Variants in SNX29 observed in about 807,000 individuals in gnomAD.
SNX29 encodes sorting nexin 29, also known as sorting nexin-29.
In SNX29, 78 loss-of-function variants were observed where a neutral mutation model predicts 102.1. The ratio of observed to expected loss-of-function variants is 0.76; its 90% CI spans 0.64 to 0.92. SNX29 has a LOEUF of 0.92. Among genes scored for constraint, SNX29 ranks in the 40% least tolerant of loss-of-function variants. The pLI is 0.00. For synonymous variants in SNX29, 580 were observed against 414.5 expected, an observed-to-expected ratio of 1.40 and a Z score of -4.85; for missense variants, 1,280 against 1,061.7, an observed-to-expected ratio of 1.21 and a Z score of -2.86.
intron 19 of SNX29, among the ~76,000 whole-genome samples, chr16:12,496,367 G>A (rs992853943): frequency 2.0e-5 from 3 of 152,120 alleles, no homozygotes; most frequent in Non-Finnish European, 4.4e-5. Context: ...CCCAGCAAGC[G>A]AGGCTGGTCT....
At chr16:12,394,471 A>G (rs987862845) in intron 16 of SNX29, among the ~76,000 whole-genome samples, 2 of 152,074 alleles carry the variant, frequency 1.3e-5, no homozygotes, top group African/African-American at 2.4e-5. Flanking sequence ...ATGTGAAACC[A>G]CCCCAAAACT....
chr16:12,346,654 G>C (rs1160267569), intron 15 of SNX29, among the ~76,000 whole-genome samples: 1 of 152,204 alleles, frequency 6.6e-6, no homozygotes, highest in Non-Finnish European at 1.5e-5. Flanking sequence ...TCTTCTTAAA[G>C]GAACACACCT....
intron 11 of SNX29, among the ~76,000 whole-genome samples, chr16:12,122,336 T>G (rs915913378): frequency 1.3e-5 from 2 of 152,130 alleles, no homozygotes; most frequent in African/African-American, 2.4e-5. Context: ...GTAGGTACCC[T>G]TGGTCTCACT....
intron 12 of SNX29, among the ~76,000 whole-genome samples, chr16:12,127,890 C>T (rs1419357261): frequency 6.6e-6 from 1 of 152,144 alleles, no homozygotes. Context: ...GAGGGCTTAC[C>T]TGCAGTTACC....
At chr16:12,002,691 C>T (rs772395599) in intron 2 of SNX29, among the ~76,000 whole-genome samples, 5 of 152,230 alleles carry the variant, frequency 3.3e-5, no homozygotes, top group Non-Finnish European at 7.3e-5. Flanking sequence ...GGAGCAGCTT[C>T]CTGGATAATG....
At chr16:11,988,021 C>CGGT (rs781503894) in intron 1 of SNX29, among the ~76,000 whole-genome samples, 2 of 152,088 alleles carry the variant, frequency 1.3e-5, no homozygotes, top group African/African-American at 2.4e-5. Context: ...AGGCTGGGTA[C>CGGT]GGTGGCTCAT....
intron 14 of SNX29, among the ~76,000 whole-genome samples, chr16:12,223,519 G>C (rs959750125): frequency 4.6e-5 from 7 of 152,172 alleles, no homozygotes; most frequent in Admixed American, 1.3e-4. Context: ...AAAATTAGCA[G>C]GGCGTGGGGG....
At chr16:12,501,724 CAAAAAAAAAAAAAAAAAA>C in intron 19 of SNX29, among the ~76,000 whole-genome samples, 1 of 44,924 alleles carries the variant, frequency 2.2e-5, no homozygotes, top group South Asian at 1.2e-3. Flanking sequence ...GACACTGTCT[CAAAAAAAAAAAAAAAAAA>C]AAAAAAAAAG....
intron 20 of SNX29, among the ~76,000 whole-genome samples, chr16:12,542,998 G>T (rs907605915): frequency 6.6e-6 from 1 of 152,078 alleles, no homozygotes; most frequent in African/African-American, 2.4e-5. Context: ...TGAAGTCCAG[G>T]GACTTGGCTA....
At chr16:12,196,255 C>T (rs1399568183) in intron 13 of SNX29, among the ~76,000 whole-genome samples, 1 of 152,078 alleles carries the variant, frequency 6.6e-6, no homozygotes, top group African/African-American at 2.4e-5. Context: ...AGCCACCACG[C>T]CTGGTCTTCA....
At chr16:12,537,512 T>C (rs1374808366) in intron 20 of SNX29, among the ~76,000 whole-genome samples, 1 of 152,188 alleles carries the variant, frequency 6.6e-6, no homozygotes, top group Non-Finnish European at 1.5e-5. Context: ...CACAGGCTTG[T>C]TGGGAGGATT....
intron 18 of SNX29, among the ~76,000 whole-genome samples, chr16:12,475,408 G>A (rs892040996): frequency 5.9e-5 from 9 of 152,214 alleles, no homozygotes; most frequent in South Asian, 2.1e-4. Flanking sequence ...AACTCTTTTT[G>A]TAAAGGCCAG....
At chr16:12,459,154 C>G (rs1211956376) in intron 18 of SNX29, among the ~76,000 whole-genome samples, 1 of 144,122 alleles carries the variant, frequency 6.9e-6, no homozygotes, top group African/African-American at 2.6e-5. Context: ...CCCCTCTCCA[C>G]TTCCCCTCCT....
At chr16:12,560,551 G>A (rs11639949) in intron 20 of SNX29, among the ~76,000 whole-genome samples, 5 of 151,968 alleles carry the variant, frequency 3.3e-5, no homozygotes, top group Admixed American at 6.5e-5. Flanking sequence ...TGGTTGAAAC[G>A]TTGCTCAGTG....
intron 20 of SNX29, among the ~76,000 whole-genome samples, chr16:12,544,501 G>T (rs1163996704): frequency 6.6e-6 from 1 of 152,204 alleles, no homozygotes; most frequent in African/African-American, 2.4e-5. Context: ...CTGGGGTCTA[G>T]ATGGCATTTT....
intron 15 of SNX29, among the ~76,000 whole-genome samples, chr16:12,325,275 A>G (rs898502967): frequency 2.0e-5 from 3 of 152,212 alleles, no homozygotes; most frequent in Admixed American, 6.5e-5. Flanking sequence ...ACAGACATTT[A>G]TTTGCATGGT....
intron 20 of SNX29, among the ~76,000 whole-genome samples, chr16:12,553,945 A>T (rs1284358237): frequency 6.6e-6 from 1 of 152,136 alleles, no homozygotes; most frequent in African/African-American, 2.4e-5. Context: ...CTCCTGCCTC[A>T]GCCACCCAAG....
intron 14 of SNX29, among the ~76,000 whole-genome samples, chr16:12,252,832 C>T (rs978311443): frequency 5.9e-5 from 9 of 152,216 alleles, no homozygotes; most frequent in East Asian, 1.9e-4. Context: ...CCAAGCAGCA[C>T]GGTGCCCACA....
At chr16:12,356,300 G>A (rs866762974) in intron 16 of SNX29, 21 bp downstream of exon 16, 3 of 1,573,196 alleles carry the variant, frequency 1.9e-6, no homozygotes, top group Admixed American at 1.9e-5. Context: ...CCCCAACCCT[G>A]TGTGTCTGTC....
Sources: gnomAD v4.1 joint callset for allele counts (sites outside exome capture counted in the v4.1 genomes callset) on GRCh38, gnomAD v4.1.1 for gene constraint, MANE v1.5 for transcripts, NCBI Gene and HGNC (gene_info 2026-07-23, HGNC 2026-07-21) for gene names.